BICRA: variants seen among roughly 807,000 people sequenced by gnomAD.
BICRA encodes BRD4-interacting chromatin-remodeling complex-associated protein.
In BICRA, 31 loss-of-function variants were observed where a neutral mutation model predicts 96.9. The ratio of observed to expected loss-of-function variants is 0.32; its 90% CI spans 0.24 to 0.43. The LOEUF is 0.43. Ranked by LOEUF, BICRA falls within the 20% of genes least tolerant of loss-of-function variation. BICRA has a pLI of 1.00. For synonymous variants in BICRA, 1,350 were observed against 1,071.8 expected (o/e 1.26, Z -5.07); for missense variants, 2,283 against 2,190.3 (o/e 1.04, Z -0.84).
chr19:47,702,520 G>A lies in BICRA; in HGVS notation c.*105G>A, dbSNP rs1355281392. The A allele has an allele frequency of 3.5e-5, 46 of 1,301,102 alleles. No individual in the cohort carries two copies. Among genetic ancestry groups the A allele is most frequent in the Non-Finnish European group, 4.3e-5 (43 of 1,006,046 alleles). The allele number at this position is 1,301,102 out of a possible 1,614,324, so 80.6% of individuals were successfully genotyped here. A position where few individuals can be genotyped will look rare whatever the true frequency, so the allele number is the denominator to read the frequency against. ...GACTCGAGCCGGGGATCCCCTGACGGTTTTTCTTGCCTAAGTTATTTGAGT... is the reference window on the plus strand; with the variant it reads ...GACTCGAGCCGGGGATCCCCTGACGATTTTTCTTGCCTAAGTTATTTGAGT... On this transcript the variant is annotated 3_prime_UTR_variant, in exon 15 of 15. Coordinates refer to ENST00000594866, the MANE Select transcript of BICRA (RefSeq NM_001394372.1).
chr19:47,622,190 T>C (rs1034586079), intron 1 of BICRA, among the ~76,000 whole-genome samples: 2 of 151,282 alleles, frequency 1.3e-5, no homozygotes, highest in African/African-American at 4.9e-5. Context: ...GGTCTCGAAC[T>C]CCTCACCTTG....
At chr19:47,666,296 TC>T (rs1972778265) in intron 1 of BICRA, among the ~76,000 whole-genome samples, 1 of 71,354 alleles carries the variant, frequency 1.4e-5, no homozygotes, top group Non-Finnish European at 2.7e-5. Flanking sequence ...TTCTTTTTCT[TC>T]TTTTTTTTTT....
At chr19:47,649,903 G>A (rs1972516899) in intron 1 of BICRA, among the ~76,000 whole-genome samples, 1 of 152,050 alleles carries the variant, frequency 6.6e-6, no homozygotes. Flanking sequence ...TTAGGTTAGT[G>A]TAAAAGTAAT....
chr19:47,660,145 C>G (rs1186168002), intron 1 of BICRA, among the ~76,000 whole-genome samples: 1 of 152,080 alleles, frequency 6.6e-6, no homozygotes, highest in Non-Finnish European at 1.5e-5. Flanking sequence ...AGCAGGGCCA[C>G]TGGGGTTGTC....
At chr19:47,637,234 C>T (rs1020181174) in intron 1 of BICRA, among the ~76,000 whole-genome samples, 1 of 151,944 alleles carries the variant, frequency 6.6e-6, no homozygotes, top group Admixed American at 6.6e-5. Context: ...ATCCTCCTGC[C>T]TCAGCCTCCC....
intron 1 of BICRA, among the ~76,000 whole-genome samples, chr19:47,614,775 T>C (rs915675177): frequency 1.3e-5 from 2 of 152,306 alleles, no homozygotes; most frequent in East Asian, 3.9e-4. Flanking sequence ...GGTATTCCTC[T>C]GTGTGGGTGA....
chr19:47,628,591 T>C (rs971636767), intron 1 of BICRA, among the ~76,000 whole-genome samples: 6 of 152,172 alleles, frequency 3.9e-5, no homozygotes, highest in African/African-American at 1.4e-4. Context: ...TCTTCTTTCC[T>C]TTTCCAAAGG....
At chr19:47,656,221 T>C (rs1972616704) in intron 1 of BICRA, among the ~76,000 whole-genome samples, 1 of 151,764 alleles carries the variant, frequency 6.6e-6, no homozygotes, top group Non-Finnish European at 1.5e-5. Flanking sequence ...TTCACACCAC[T>C]GCACCCCAGC....
chr19:47,613,283 C>T lies in BICRA; in HGVS notation c.-108+4115C>T, dbSNP rs529078600. ...GGTCTAGCCAGCAGCCCAGTTCCCCCGCCAGCTCTCAACCCCCACCCGCCA... is the reference window on the plus strand; with the variant it reads ...GGTCTAGCCAGCAGCCCAGTTCCCCTGCCAGCTCTCAACCCCCACCCGCCA... On this transcript the variant is annotated intron_variant, in intron 1 of 14. Transcript: ENST00000594866. 6.6e-5 allele frequency among the ~76,000 whole-genome samples: 10 copies of T among 152,242 alleles called. No individual in the cohort carries two copies. The South Asian group carries it at 1.2e-3, about 19-fold the overall frequency.
intron 1 of BICRA, among the ~76,000 whole-genome samples, chr19:47,615,457 C>G (rs1010067892): frequency 6.6e-6 from 1 of 152,182 alleles, no homozygotes. Context: ...GTGCTTGCCA[C>G]CTGGTGTGGA....
chr19:47,636,027 A>G (rs933102870), intron 1 of BICRA, among the ~76,000 whole-genome samples: 2 of 152,234 alleles, frequency 1.3e-5, no homozygotes, highest in African/African-American at 4.8e-5. Flanking sequence ...AAATTATTTT[A>G]TAACATTACC....
chr19:47,701,195 C>T lies in BICRA; in HGVS notation c.3596-133C>T, dbSNP rs887287444. 3.2e-5 allele frequency: 21 copies of T among 660,306 alleles called. No individual in the cohort carries two copies. Among genetic ancestry groups the T allele is most frequent in the Non-Finnish European group, 4.8e-5 (18 of 375,570 alleles). The allele number at this position is 660,306 out of a possible 1,614,324, so 40.9% of individuals were successfully genotyped here. A position where few individuals can be genotyped will look rare whatever the true frequency, so the allele number is the denominator to read the frequency against. On this transcript the variant is annotated intron_variant, in intron 14 of 14. Coordinates refer to ENST00000594866, the MANE Select transcript of BICRA (RefSeq NM_001394372.1). This position sits in a 1 kb window ranked among gnomAD's most constrained non-coding sequence, Gnocchi z 5.4. ...TGAAGAGGGTCTCACCAAGCCTATCCTGAGGATTGGAGGGTCCAGGGTGCA... is the reference window on the plus strand; with the variant it reads ...TGAAGAGGGTCTCACCAAGCCTATCTTGAGGATTGGAGGGTCCAGGGTGCA...
At position 47,681,996 on chromosome 19, in the gene BICRA, C is replaced by T. The variant is rs1973069065; in HGVS notation, c.2127C>T (p.Leu709=). Residue 709 remains leucine, a synonymous_variant, in exon 7 of 15, where the codon CTC becomes CTT. Coordinates refer to ENST00000594866, the MANE Select transcript of BICRA (RefSeq NM_001394372.1). Reference sequence around the variant, plus strand: ...TGCAGGAGAGGAGCCAGCAGCCCCTCTCCGCAGAGGGCCCCCACCTCTCCG... The same window carrying T: ...TGCAGGAGAGGAGCCAGCAGCCCCTTTCCGCAGAGGGCCCCCACCTCTCCG... ...FLPQERSQQP[L]SAEGPHLSVP... 1 of 1,569,808 alleles carries T rather than the reference C, an allele frequency of 6.4e-7. No homozygotes were observed. Among genetic ancestry groups the T allele is most frequent in the Non-Finnish European group, 8.6e-7 (1 of 1,163,094 alleles).
At position 47,638,521 on chromosome 19, in the gene BICRA, G is replaced by T. The variant is rs556738120; in HGVS notation, c.-108+29353G>T. ...ACGTCCTCTTCCCAGAGGCAACATG[G>T]TTAGGATTTTTGGGCCTCCTTTCAA... On this transcript the variant is annotated intron_variant, in intron 1 of 14. Transcript: ENST00000594866. 5.3e-5 allele frequency among the ~76,000 whole-genome samples: 8 copies of T among 152,136 alleles called. No homozygotes were observed. In the South Asian group the frequency reaches 1.5e-3, roughly 28 times the overall value.
chr19:47,679,248 T>G, intron 5 of BICRA, 73 bp from the exon 6 acceptor site: 1 of 1,133,804 alleles, frequency 8.8e-7, no homozygotes, highest in Non-Finnish European at 1.2e-6. Flanking sequence ...CAGCATTCTT[T>G]GCGGCAGCTG....
chr19:47,646,417 A>C (rs1039814926), intron 1 of BICRA, among the ~76,000 whole-genome samples: 2 of 138,364 alleles, frequency 1.4e-5, no homozygotes, highest in African/African-American at 2.8e-5. Context: ...GGATCAGCTC[A>C]GCCCGACACA....
intron 1 of BICRA, among the ~76,000 whole-genome samples, chr19:47,635,918 C>T (rs551283729): frequency 2.6e-5 from 4 of 152,206 alleles, no homozygotes; most frequent in African/African-American, 9.6e-5. Flanking sequence ...TCTAAAAATC[C>T]AAAATGCCCC....
rs777874220 is a variant in BICRA at position 47,673,624 on chromosome 19, C to T, written c.41+9C>T. 17 of 1,604,432 alleles carry T rather than the reference C, an allele frequency of 1.1e-5. No individual in the cohort carries two copies. The highest frequency in any genetic ancestry group is 6.7e-5 in the East Asian group (3 of 44,824). On this transcript the variant is annotated intron_variant, in intron 3 of 14. Coordinates refer to ENST00000594866, the MANE Select transcript of BICRA (RefSeq NM_001394372.1). Reference sequence around the variant, plus strand: ...TTACTAGACGTGATTTGGTGAGTAACGGGCTCCCCACCCCCTGCCCTCTGT... The same window carrying T: ...TTACTAGACGTGATTTGGTGAGTAATGGGCTCCCCACCCCCTGCCCTCTGT...
chr19:47,647,390 A>G (rs1021145464), intron 1 of BICRA, among the ~76,000 whole-genome samples: 4 of 152,072 alleles, frequency 2.6e-5, no homozygotes, highest in Non-Finnish European at 5.9e-5. Context: ...GCACCCTTGT[A>G]TATCGCCCAG....
Sources: gnomAD v4.1 joint callset for allele counts (sites outside exome capture counted in the v4.1 genomes callset) on GRCh38, gnomAD v4.1.1 for gene constraint, Gnocchi (gnomAD v3.1) non-coding constraint, MANE v1.5 for transcripts, NCBI Gene and HGNC (gene_info 2026-07-23, HGNC 2026-07-21) for gene names.